The following APAF1 variants were observed in gnomAD, a reference collection of about 807,000 sequenced individuals.
APAF1 encodes apoptotic peptidase activating factor 1.
Under a neutral mutation model 152.4 loss-of-function variants are expected in APAF1, and 91 were observed. That is an observed-to-expected ratio of 0.60 (90% CI 0.50 to 0.71). The LOEUF (loss-of-function observed/expected upper bound fraction) is 0.71, where lower values mean the gene tolerates loss of function less well. Among genes scored for constraint, APAF1 ranks in the 30% least tolerant of loss-of-function variants. The pLI is 0.00. For synonymous variants in APAF1, 484 were observed against 494.1 expected (o/e 0.98, Z 0.27); for missense variants, 1,283 against 1,472.0 (o/e 0.87, Z 2.10).
chr12:98,665,904 G>A, intron 8 of APAF1, 113 bp downstream of exon 8: 1 of 957,834 alleles, frequency 1.0e-6, no homozygotes, highest in Non-Finnish European at 1.7e-6. Context: ...GGGGACTGAG[G>A]TGGTGGGGTG....
Position 98,714,167 on chromosome 12 carries a change from C to A in APAF1, c.2959-1260C>A, listed in dbSNP as rs370694077. The stretch of plus-strand genomic sequence containing the variant: ...TTCCCTTTTCTCTTTACCTTGATGC[C>A]AAGTCAGTACCACATTCTTTTCATT... On this transcript the variant is annotated intron_variant, in intron 21 of 26. Transcript: ENST00000551964. Among the ~76,000 whole-genome samples, 8 of 152,200 alleles carry A rather than the reference C, an allele frequency of 5.3e-5. 1 individual carries two copies. Among genetic ancestry groups the A allele is most frequent in the East Asian group, 1.9e-4 (1 of 5,186 alleles).
At chr12:98,703,566 A>C in intron 18 of APAF1, 67 bp downstream of exon 18, 2 of 1,595,428 alleles carry the variant, frequency 1.3e-6, no homozygotes, top group South Asian at 2.2e-5. Flanking sequence ...GAGAATGGGC[A>C]GCTTAAACCA....
intron 8 of APAF1, 130 bp from the exon 9 acceptor site, chr12:98,666,057 TTTC>T: frequency 3.4e-6 from 3 of 879,384 alleles, no homozygotes; most frequent in South Asian, 3.0e-5. Flanking sequence ...AGTAGCTGAG[TTTC>T]TTCTTAAGAA....
At chr12:98,674,949 GA>G (rs1220925925) in intron 12 of APAF1, among the ~76,000 whole-genome samples, 1 of 152,138 alleles carries the variant, frequency 6.6e-6, no homozygotes, top group Non-Finnish European at 1.5e-5. Flanking sequence ...GTTAGTGGCT[GA>G]AATAGAATCT....
At chr12:98,699,232 C>G (rs533850313) in intron 16 of APAF1, among the ~76,000 whole-genome samples, 176 bp from the exon 17 acceptor site, 1 of 152,014 alleles carries the variant, frequency 6.6e-6, no homozygotes, top group Non-Finnish European at 1.5e-5. Context: ...TTTTTAAGAA[C>G]GTAATAATGA....
rs1593061015 is a variant in APAF1 at position 98,682,028 on chromosome 12, A to G, written c.2047-1115A>G. Reference sequence around the variant, plus strand: ...GACTGCTTAGTTGTCTTACATAGTAACTAGAATGATGATTAATTTTTTTGT... The same window carrying G: ...GACTGCTTAGTTGTCTTACATAGTAGCTAGAATGATGATTAATTTTTTTGT... On this transcript the variant is annotated intron_variant, in intron 14 of 26. Transcript: ENST00000551964. Among the ~76,000 whole-genome samples, 4 of 151,206 alleles carry G rather than the reference A, an allele frequency of 2.6e-5. No homozygotes were observed. In the South Asian group the frequency reaches 8.4e-4, roughly 32 times the overall value.
intron 25 of APAF1, 56 bp downstream of exon 25, chr12:98,725,596 G>A (rs1418074540): frequency 6.2e-7 from 1 of 1,611,586 alleles, no homozygotes. Context: ...GGCTAGCACT[G>A]TTCACAGTGG....
At chr12:98,670,329 C>G (rs763301890) in intron 10 of APAF1, among the ~76,000 whole-genome samples, 1 of 152,070 alleles carries the variant, frequency 6.6e-6, no homozygotes, top group Admixed American at 6.6e-5. Context: ...CTTTGATTAC[C>G]GGTGAGATTT....
At chr12:98,725,632 G>T in intron 25 of APAF1, 92 bp downstream of exon 25, 1 of 1,566,582 alleles carries the variant, frequency 6.4e-7, no homozygotes. Flanking sequence ...GGCCAGGGAA[G>T]CATAGTCCTG....
chr12:98,722,609 C>G (rs1014382724), intron 22 of APAF1, among the ~76,000 whole-genome samples: 1 of 152,124 alleles, frequency 6.6e-6, no homozygotes, highest in Admixed American at 6.5e-5. Context: ...TCATTCCCCC[C>G]ACCCCTTTCC....
intron 17 of APAF1, among the ~76,000 whole-genome samples, chr12:98,700,031 C>T (rs1361917731): frequency 6.6e-6 from 1 of 152,160 alleles, no homozygotes; most frequent in Non-Finnish European, 1.5e-5. Context: ...AAATGCTCAT[C>T]AATGACTGAA....
At position 98,699,638 on chromosome 12, in the gene APAF1, T is replaced by C. The variant is rs375551840; in HGVS notation, c.2466+69T>C. On this transcript the variant is annotated intron_variant, in intron 17 of 26. Coordinates refer to ENST00000551964, the MANE Select transcript of APAF1 (RefSeq NM_181861.2). Reference sequence around the variant, plus strand: ...TTAAAACTTCTGTTCATTTTTGCATTTTACAATGTTTATTCATAAAAATAA... The same window carrying C: ...TTAAAACTTCTGTTCATTTTTGCATCTTACAATGTTTATTCATAAAAATAA... 24 of 1,540,902 alleles carry C rather than the reference T, an allele frequency of 1.6e-5. No individual in the cohort carries two copies. The East Asian group carries it at 1.8e-4, about 12-fold the overall frequency.
At chr12:98,653,691 A>ATATATAT (rs1429273147) in intron 4 of APAF1, among the ~76,000 whole-genome samples, 2 of 15,104 alleles carry the variant, frequency 1.3e-4, no homozygotes, top group Admixed American at 1.6e-3. Context: ...AAAAAAAAAA[A>ATATATAT]ATATATATAT....
intron 10 of APAF1, among the ~76,000 whole-genome samples, chr12:98,670,172 G>A (rs1310102264): frequency 6.6e-6 from 1 of 152,030 alleles, no homozygotes; most frequent in East Asian, 1.9e-4. Context: ...CTTGACCCCT[G>A]GGCTCGAGTA....
chr12:98,713,872 G>A (rs1054136856), intron 21 of APAF1, among the ~76,000 whole-genome samples: 18 of 152,172 alleles, frequency 1.2e-4, no homozygotes, highest in African/African-American at 4.3e-4. Flanking sequence ...GAAGAAGGAA[G>A]CATTTACACA....
intron 14 of APAF1, among the ~76,000 whole-genome samples, chr12:98,682,244 G>A (rs1048587579): frequency 1.3e-5 from 2 of 151,926 alleles, no homozygotes; most frequent in South Asian, 2.1e-4. Context: ...TAGTAGAGAC[G>A]GGGTTTCACC....
intron 17 of APAF1, among the ~76,000 whole-genome samples, chr12:98,702,999 A>G (rs1355989693): frequency 1.3e-5 from 2 of 152,162 alleles, no homozygotes; most frequent in South Asian, 2.1e-4. Context: ...CCTCTGCTCT[A>G]TATTATTTTG....
rs914674957 is a variant in APAF1, at chr12:98,653,215, A to G, written c.526+3531A>G. Among the ~76,000 whole-genome samples, 11 of 152,292 alleles carry G rather than the reference A, an allele frequency of 7.2e-5. No individual in the cohort carries two copies. In the East Asian group the frequency reaches 1.9e-3, roughly 27 times the overall value. ...TTCACTTCCATTCTCAAATACAGGA[A>G]CATTGGATTTTTGACATTTAATTGT... On this transcript the variant is annotated intron_variant, in intron 4 of 26. Coordinates refer to ENST00000551964, the MANE Select transcript of APAF1 (RefSeq NM_181861.2).
At position 98,689,466 on chromosome 12, in the gene APAF1, G is replaced by GTC. The variant is rs1197060777; in HGVS notation, c.2304+2594_2304+2595insCT. ...AGAGAGAGAGAGAGAGAGAGAGAGT[G>GTC]TGTGTGTCTGTGTGTGTGTGTGTGT... On this transcript the variant is annotated intron_variant, in intron 16 of 26. Transcript: ENST00000551964. Among the ~76,000 whole-genome samples, 128 of 139,074 alleles carry GTC rather than the reference G, an allele frequency of 9.2e-4. 1 individual carries two copies. Among genetic ancestry groups the GTC allele is most frequent in the Middle Eastern group, 7.5e-3 (2 of 266 alleles). The allele number at this position is 139,074 out of a possible 152,430, so 91.2% of individuals were successfully genotyped here. A position where few individuals can be genotyped will look rare whatever the true frequency, so the allele number is the denominator to read the frequency against.
Sources: gnomAD v4.1 joint callset for allele counts (sites outside exome capture counted in the v4.1 genomes callset) on GRCh38, gnomAD v4.1.1 for gene constraint, MANE v1.5 for transcripts, NCBI Gene and HGNC (gene_info 2026-07-23, HGNC 2026-07-21) for gene names.